The following UBE4B variants were observed in gnomAD, a reference collection of about 807,000 sequenced individuals.
UBE4B encodes the protein ubiquitin conjugation factor E4 B.
Under a neutral mutation model 148.1 loss-of-function variants are expected in UBE4B, and 27 were observed. The observed-to-expected ratio is 0.18, with a 90% CI of 0.13 to 0.25. The LOEUF (loss-of-function observed/expected upper bound fraction) is 0.25. Ranked by LOEUF, UBE4B falls within the 10% of genes least tolerant of loss-of-function variation. The probability of loss-of-function intolerance (pLI) is 1.00; values close to 1 mark genes in which losing one functional copy is unlikely to be tolerated. For synonymous variants in UBE4B, 596 were observed against 619.3 expected, an observed-to-expected ratio of 0.96 and a Z score of 0.56; for missense variants, 1,170 against 1,662.4, an observed-to-expected ratio of 0.70 and a Z score of 5.15.
In UBE4B at chr1:10,171,324, G is replaced by A; in HGVS notation, c.3520G>A (p.Asp1174Asn). 3 of 1,613,374 alleles carry A rather than the reference G, an allele frequency of 1.9e-6. No homozygotes were observed. The highest frequency in any genetic ancestry group is 2.5e-6 in the Non-Finnish European group (3 of 1,179,624). Residue 1174 changes from aspartate to asparagine, a missense_variant, in exon 25 of 28, where the codon GAC becomes AAC. Asp to Asn is a conservative substitution (Grantham distance 23). Transcript: ENST00000343090. ...TCGGTTCGCGAAAGCCATTGCTGAC[G>A]ACCAGGTCAGTGAGTTGAGTTGGTC... Reference protein sequence around the residue: ...CARFAKAIADDQRSYSKELFE... With the variant: ...CARFAKAIADNQRSYSKELFE...
intron 1 of UBE4B, among the ~76,000 whole-genome samples, chr1:10,062,952 G>T (rs557085726): frequency 7.0e-6 from 1 of 142,508 alleles, no homozygotes; most frequent in Non-Finnish European, 1.5e-5. Context: ...GTGAAACTCC[G>T]TCTCAAAAAA....
intron 1 of UBE4B, among the ~76,000 whole-genome samples, chr1:10,037,640 C>T (rs1371932853): frequency 3.9e-5 from 6 of 152,120 alleles, no homozygotes; most frequent in Non-Finnish European, 8.8e-5. Context: ...TCACTGCAAC[C>T]TCTGCCTCCT....
At chr1:10,103,165 G>A in intron 5 of UBE4B, 73 bp downstream of exon 5, 2 of 1,452,606 alleles carry the variant, frequency 1.4e-6, no homozygotes, top group African/African-American at 1.4e-5. Context: ...TTTGCCCTCT[G>A]TTATCCACAT....
At chr1:10,051,327 G>A (rs2101793794) in intron 1 of UBE4B, among the ~76,000 whole-genome samples, 2 of 152,298 alleles carry the variant, frequency 1.3e-5, no homozygotes, top group Middle Eastern at 6.8e-3. Flanking sequence ...AGTGTGCATG[G>A]TGTAGTGACC....
At chr1:10,058,269 G>A (rs1475208261) in intron 1 of UBE4B, among the ~76,000 whole-genome samples, 1 of 152,132 alleles carries the variant, frequency 6.6e-6, no homozygotes, top group Non-Finnish European at 1.5e-5. Flanking sequence ...TTTTGAGTTG[G>A]ATAAGTAACC....
intron 3 of UBE4B, among the ~76,000 whole-genome samples, chr1:10,095,836 A>G (rs1291366014): frequency 2.0e-5 from 3 of 152,184 alleles, no homozygotes; most frequent in Non-Finnish European, 4.4e-5. Context: ...CAGTGGTGCG[A>G]TCATGGCTCA....
chr1:10,055,343 A>T (rs1449091362), intron 1 of UBE4B, among the ~76,000 whole-genome samples: 1 of 148,854 alleles, frequency 6.7e-6, no homozygotes, highest in African/African-American at 2.5e-5. Context: ...CTGAGACAAG[A>T]TCTCACTGTT....
intron 25 of UBE4B, among the ~76,000 whole-genome samples, chr1:10,174,266 C>T (rs1032243772): frequency 4.0e-5 from 6 of 151,290 alleles, no homozygotes; most frequent in Admixed American, 1.3e-4. Flanking sequence ...CAGTGGAAGG[C>T]GGCTGTAATT....
intron 1 of UBE4B, among the ~76,000 whole-genome samples, chr1:10,035,737 TA>T (rs1643497881): frequency 6.8e-6 from 1 of 147,406 alleles, no homozygotes. Context: ...TTTTATTTTT[TA>T]TTTATTTTAT....
intron 1 of UBE4B, among the ~76,000 whole-genome samples, chr1:10,066,369 T>A (rs1462875400): frequency 1.3e-5 from 2 of 151,426 alleles, no homozygotes; most frequent in African/African-American, 4.9e-5. Flanking sequence ...GCTCAAGTGA[T>A]CCCCCTGCCT....
chr1:10,171,359 G>A (rs747501078), intron 25 of UBE4B, 30 bp downstream of exon 25: 2 of 1,601,740 alleles, frequency 1.2e-6, no homozygotes, highest in Non-Finnish European at 1.7e-6. Flanking sequence ...CTCTCTGTGA[G>A]TTTACTGGCA....
At chr1:10,040,073 A>C (rs893990245) in intron 1 of UBE4B, among the ~76,000 whole-genome samples, 1 of 151,914 alleles carries the variant, frequency 6.6e-6, no homozygotes, top group Non-Finnish European at 1.5e-5. Flanking sequence ...ATAAGGGTTG[A>C]ATAAGGAATT....
chr1:10,114,863 C>CA (rs557580389), intron 7 of UBE4B, among the ~76,000 whole-genome samples: 50 of 150,346 alleles, frequency 3.3e-4, no homozygotes, highest in Non-Finnish European at 5.2e-4. Flanking sequence ...GACTCCATCT[C>CA]AAAAAAAAAG....
chr1:10,166,879 C>A (rs761237405), intron 23 of UBE4B, among the ~76,000 whole-genome samples: 1 of 151,330 alleles, frequency 6.6e-6, no homozygotes, highest in Non-Finnish European at 1.5e-5. Flanking sequence ...GAGCCAAGAT[C>A]GCGCCACTGC....
At chr1:10,078,329 T>G (rs1644618513) in intron 2 of UBE4B, among the ~76,000 whole-genome samples, 1 of 152,086 alleles carries the variant, frequency 6.6e-6, no homozygotes, top group Non-Finnish European at 1.5e-5. Context: ...CTTTTATATT[T>G]AAAATGTAGG....
chr1:10,045,021 G>C (rs549026615), intron 1 of UBE4B, among the ~76,000 whole-genome samples: 24 of 152,326 alleles, frequency 1.6e-4, no homozygotes, highest in African/African-American at 5.3e-4. Flanking sequence ...ATGGGAGAAA[G>C]TGACAGATCA....
At chr1:10,100,009 AGATG>A (rs1427300392) in intron 3 of UBE4B, among the ~76,000 whole-genome samples, 1 of 151,640 alleles carries the variant, frequency 6.6e-6, no homozygotes, top group African/African-American at 2.4e-5. Context: ...TATTTTTTTG[AGATG>A]GAGTCTCGCT....
At chr1:10,159,940 G>T (rs1293680315) in intron 22 of UBE4B, among the ~76,000 whole-genome samples, 1 of 152,214 alleles carries the variant, frequency 6.6e-6, no homozygotes, top group Non-Finnish European at 1.5e-5. Context: ...CCCATGGCTT[G>T]GTCTGAATGG....
At chr1:10,107,424 ACTAACTTCTATAAGCT>A in intron 7 of UBE4B, 1 of 1,246,402 alleles carries the variant, frequency 8.0e-7, no homozygotes, top group Non-Finnish European at 1.0e-6. Context: ...ATGCTTAGGA[ACTAACTTCTATAAGCT>A]CTAACAAGGG....
Sources: gnomAD v4.1 joint callset for allele counts (sites outside exome capture counted in the v4.1 genomes callset) on GRCh38, gnomAD v4.1.1 for gene constraint, MANE v1.5 for transcripts, NCBI Gene and HGNC (gene_info 2026-07-23, HGNC 2026-07-21) for gene names.